PAK1: variants seen among roughly 807,000 people sequenced by gnomAD.
The protein encoded by PAK1 is p21 (RAC1) activated kinase 1, also known as serine/threonine-protein kinase PAK 1.
In PAK1, 29 loss-of-function variants were observed where a neutral mutation model predicts 67.4. That is an observed-to-expected ratio of 0.43 (90% CI 0.32 to 0.59). PAK1 has a LOEUF of 0.59. Among genes scored for constraint, PAK1 ranks in the 20% least tolerant of loss-of-function variants. PAK1 has a pLI of 0.07. For missense variants in PAK1, 337 were observed against 670.7 expected, an observed-to-expected ratio of 0.50 and a Z score of 5.50; for synonymous variants, 223 against 237.4, an observed-to-expected ratio of 0.94 and a Z score of 0.56.
chr11:77,416,556 CT>C (rs1483204816), intron 1 of PAK1, among the ~76,000 whole-genome samples: 1 of 151,982 alleles, frequency 6.6e-6, no homozygotes, highest in Non-Finnish European at 1.5e-5. Flanking sequence ...TTACAGTTAA[CT>C]TTTTTTTATA....
chr11:77,346,897 TTCTC>T, intron 9 of PAK1: 1 of 408,750 alleles, frequency 2.4e-6, no homozygotes, highest in South Asian at 1.8e-5. Context: ...ATTGTACACA[TTCTC>T]TCTAAAAACA....
intron 7 of PAK1, among the ~76,000 whole-genome samples, chr11:77,355,049 G>A (rs1945816430): frequency 6.6e-6 from 1 of 152,082 alleles, no homozygotes; most frequent in Non-Finnish European, 1.5e-5. Context: ...TCTAACCTCA[G>A]CCATGTCACT....
chr11:77,471,037 G>A (rs954347771), intron 1 of PAK1, among the ~76,000 whole-genome samples: 1 of 152,160 alleles, frequency 6.6e-6, no homozygotes, highest in Non-Finnish European at 1.5e-5. Flanking sequence ...TGTCGCAGCT[G>A]GCAATACATA....
rs879133825 is a variant in PAK1 at position 77,337,174 on chromosome 11, A to AT, written c.1216+149_1216+150insA. 44 of 486,726 alleles carry AT rather than the reference A, an allele frequency of 9.0e-5. No homozygotes were observed. The South Asian group carries it at 1.5e-3, about 17-fold the overall frequency. 30.2% of individuals were successfully genotyped at this position (486,726 alleles called of 1,614,324 possible). A position where few individuals can be genotyped will look rare whatever the true frequency, so the allele number is the denominator to read the frequency against. On this transcript the variant is annotated intron_variant, in intron 12 of 14. Coordinates refer to ENST00000356341, the MANE Select transcript of PAK1 (RefSeq NM_002576.5). ...AATAATGAAATGATATCCTATGATT[A>AT]ATACAGAAAATATAAAACAGCCCTC...
At chr11:77,462,280 G>C (rs985908245) in intron 1 of PAK1, among the ~76,000 whole-genome samples, 1 of 151,542 alleles carries the variant, frequency 6.6e-6, no homozygotes, top group East Asian at 1.9e-4. Flanking sequence ...GCAGTGAGCC[G>C]AGATTGCTCC....
intron 1 of PAK1, among the ~76,000 whole-genome samples, chr11:77,437,571 T>C (rs2602479): frequency 0.25 from 37,298 of 152,130 alleles, 5,668 homozygotes; most frequent in South Asian, 0.45. Flanking sequence ...TGTCTAGAGA[T>C]GTTTTTTATT....
intron 5 of PAK1, among the ~76,000 whole-genome samples, chr11:77,364,154 C>T (rs1049535081): frequency 9.2e-5 from 14 of 152,182 alleles, no homozygotes; most frequent in South Asian, 2.1e-4. Flanking sequence ...GCACAGCAGA[C>T]GCTAGAAAAG....
At chr11:77,442,919 T>C (rs1376882502) in intron 1 of PAK1, among the ~76,000 whole-genome samples, 2 of 152,166 alleles carry the variant, frequency 1.3e-5, no homozygotes, top group African/African-American at 2.4e-5. Context: ...ATTCATTTCA[T>C]CTCTCTTAGC....
the PAK1 span, among the ~76,000 whole-genome samples, chr11:77,509,383 C>G: frequency 1.3e-5 from 2 of 152,294 alleles, no homozygotes; most frequent in Non-Finnish European, 2.9e-5. Context: ...TAGTAAACTA[C>G]TAAATGAATT....
intron 9 of PAK1, among the ~76,000 whole-genome samples, chr11:77,345,586 A>C (rs1300467742): frequency 7.2e-5 from 11 of 152,206 alleles, no homozygotes; most frequent in Non-Finnish European, 1.6e-4. Context: ...TCTCTTGCAG[A>C]GACCAGGTTA....
chr11:77,469,936 T>G (rs1957773092), intron 1 of PAK1, among the ~76,000 whole-genome samples: 1 of 152,188 alleles, frequency 6.6e-6, no homozygotes, highest in Admixed American at 6.5e-5. Context: ...CAAACATTTA[T>G]CATTTCTTTA....
At chr11:77,441,101 T>C (rs1290039976) in intron 1 of PAK1, among the ~76,000 whole-genome samples, 2 of 152,160 alleles carry the variant, frequency 1.3e-5, no homozygotes, top group Non-Finnish European at 2.9e-5. Flanking sequence ...GGAAGGCCTT[T>C]AGCCCTGCAG....
chr11:77,420,640 C>T (rs908060017), intron 1 of PAK1, among the ~76,000 whole-genome samples: 6 of 152,206 alleles, frequency 3.9e-5, no homozygotes, highest in African/African-American at 1.2e-4. Flanking sequence ...ATCTACGGTC[C>T]AACCACTTCT....
the PAK1 span, among the ~76,000 whole-genome samples, chr11:77,490,709 T>C: frequency 1.2e-4 from 19 of 152,312 alleles, no homozygotes; most frequent in East Asian, 3.1e-3. Flanking sequence ...GGGGAAAAGA[T>C]TGAGAAATCG....
At chr11:77,442,477 T>TTG (rs1360068700) in intron 1 of PAK1, among the ~76,000 whole-genome samples, 2 of 152,178 alleles carry the variant, frequency 1.3e-5, no homozygotes, top group Non-Finnish European at 2.9e-5. Flanking sequence ...AACTGAAGCT[T>TTG]TTAGCCAACA....
intron 6 of PAK1, among the ~76,000 whole-genome samples, chr11:77,358,280 T>G (rs1219719280): frequency 2.6e-5 from 4 of 152,250 alleles, no homozygotes; most frequent in East Asian, 1.9e-4. Context: ...TGCTCAGTGA[T>G]GCCAAATTAA....
chr11:77,461,399 A>T (rs1957337286), intron 1 of PAK1, among the ~76,000 whole-genome samples: 1 of 152,212 alleles, frequency 6.6e-6, no homozygotes, highest in Non-Finnish European at 1.5e-5. Flanking sequence ...TATCCTCCAT[A>T]ATCTGGATGG....
the PAK1 span, among the ~76,000 whole-genome samples, chr11:77,525,737 G>A: frequency 6.6e-6 from 1 of 152,218 alleles, no homozygotes. Context: ...TCAGGCGTCT[G>A]CCTGGGACCA....
At chr11:77,493,445 A>ATTTTTTT in the PAK1 span, among the ~76,000 whole-genome samples, 2 of 70,946 alleles carry the variant, frequency 2.8e-5, no homozygotes, top group African/African-American at 1.4e-4. Context: ...TGCCCAGCTA[A>ATTTTTTT]TTTTTTTTTT....
Sources: allele counts gnomAD v4.1 joint callset (sites outside exome capture counted in the v4.1 genomes callset), GRCh38; gene constraint gnomAD v4.1.1; transcripts MANE v1.5; gene names NCBI Gene and HGNC (gene_info 2026-07-23, HGNC 2026-07-21).